Variants in GPR158 observed in about 807,000 individuals in gnomAD.
GPR158 encodes the protein G protein-coupled receptor 158, also known as metabotropic glycine receptor.
Under a neutral mutation model 78.2 loss-of-function variants are expected in GPR158, and 30 were observed. The observed-to-expected ratio is 0.38, with a 90% CI of 0.29 to 0.52. The LOEUF is 0.52. Ranked by LOEUF, GPR158 falls within the 20% of genes least tolerant of loss-of-function variation. The pLI, the probability that GPR158 is intolerant of heterozygous loss-of-function variation, is 0.83. For missense variants in GPR158, 1,463 were observed against 1,523.5 expected (o/e 0.96, Z 0.66); for synonymous variants, 581 against 591.1 (o/e 0.98, Z 0.25).
In GPR158 at chr10:25,221,205, T is replaced by C. The variant is rs751383850; in HGVS notation, c.1008+48T>C. 4 of 938,062 alleles carry C rather than the reference T, an allele frequency of 4.3e-6. No homozygotes were observed. In the African/African-American group the frequency reaches 6.6e-5, roughly 15 times the overall value. 58.1% of individuals were successfully genotyped at this position (938,062 alleles called of 1,614,324 possible). On this transcript the variant is annotated intron_variant, in intron 2 of 10. Transcript: ENST00000376351. ...CTCTTTAAGCTCAGGAATACATTAT[T>C]TTGAATATGTTATATTTGTGTGGGT... is the stretch of plus-strand genomic sequence containing the variant.
At chr10:25,569,042 T>C (rs1224171187) in intron 6 of GPR158, among the ~76,000 whole-genome samples, 2 of 152,228 alleles carry the variant, frequency 1.3e-5, no homozygotes, top group Non-Finnish European at 2.9e-5. Context: ...TCTTATTCCA[T>C]TTTACAAAAA....
At chr10:25,319,104 C>A (rs1854906578) in intron 2 of GPR158, among the ~76,000 whole-genome samples, 1 of 152,138 alleles carries the variant, frequency 6.6e-6, no homozygotes, top group South Asian at 2.1e-4. Flanking sequence ...GTATATAGTT[C>A]TCTTTGTGCA....
chr10:25,489,315 GTATTTCTTATATATATTC>G (rs964348778), intron 5 of GPR158, among the ~76,000 whole-genome samples: 4 of 152,066 alleles, frequency 2.6e-5, no homozygotes, highest in Non-Finnish European at 1.5e-5. Context: ...TTGGCAAGTG[GTATTTCTTATATATATTC>G]AGTTTTTACC....
intron 5 of GPR158, among the ~76,000 whole-genome samples, chr10:25,473,002 G>C (rs1835530356): frequency 6.6e-6 from 1 of 152,084 alleles, no homozygotes; most frequent in Non-Finnish European, 1.5e-5. Context: ...TTGAATAGGA[G>C]TGGTGAGAGA....
intron 5 of GPR158, among the ~76,000 whole-genome samples, chr10:25,478,007 T>C (rs1835612606): frequency 6.6e-6 from 1 of 152,280 alleles, no homozygotes; most frequent in South Asian, 2.1e-4. Context: ...GCTTGTCTCC[T>C]CTTCTGTACT....
At chr10:25,199,701 T>C (rs896625708) in intron 1 of GPR158, among the ~76,000 whole-genome samples, 4 of 152,068 alleles carry the variant, frequency 2.6e-5, no homozygotes, top group African/African-American at 9.7e-5. Flanking sequence ...CTTGCCCCCA[T>C]GGAAGACCTG....
intron 4 of GPR158, among the ~76,000 whole-genome samples, chr10:25,427,190 C>G (rs1375008061): frequency 6.6e-6 from 1 of 152,016 alleles, no homozygotes. Context: ...TATCAATTAA[C>G]GATATAGCAG....
At chr10:25,570,780 GGTGGCA>G (rs1391046404) in intron 6 of GPR158, among the ~76,000 whole-genome samples, 1 of 152,116 alleles carries the variant, frequency 6.6e-6, no homozygotes, top group Non-Finnish European at 1.5e-5. Context: ...AGCCAGGCAT[GGTGGCA>G]CATGCCTGTA....
At chr10:25,491,127 G>A (rs75171157) in intron 5 of GPR158, among the ~76,000 whole-genome samples, 1,867 of 152,198 alleles carry the variant, frequency 0.012, 34 homozygotes, top group African/African-American at 0.039. Context: ...CATATATGGC[G>A]TGTATGTGTG....
intron 2 of GPR158, among the ~76,000 whole-genome samples, chr10:25,261,731 G>T (rs1467604540): frequency 3.3e-5 from 5 of 152,060 alleles, no homozygotes; most frequent in African/African-American, 1.2e-4. Flanking sequence ...TGTTTTATTT[G>T]TAAAATGATC....
At chr10:25,484,733 G>A (rs983406002) in intron 5 of GPR158, among the ~76,000 whole-genome samples, 2 of 152,068 alleles carry the variant, frequency 1.3e-5, no homozygotes, top group African/African-American at 4.8e-5. Flanking sequence ...TTGCTCATGG[G>A]CAAAACATGG....
At chr10:25,507,936 G>A (rs1836034863) in intron 5 of GPR158, among the ~76,000 whole-genome samples, 1 of 152,108 alleles carries the variant, frequency 6.6e-6, no homozygotes, top group Non-Finnish European at 1.5e-5. Flanking sequence ...AATTTCTGAT[G>A]TGCAGGTTTT....
intron 2 of GPR158, among the ~76,000 whole-genome samples, chr10:25,311,813 T>A (rs1425908709): frequency 6.9e-6 from 1 of 145,080 alleles, no homozygotes; most frequent in Non-Finnish European, 1.5e-5. Context: ...GGTAATCCAT[T>A]TTTTACAGTT....
intron 5 of GPR158, among the ~76,000 whole-genome samples, chr10:25,474,627 C>T (rs1835555789): frequency 6.6e-6 from 1 of 152,152 alleles, no homozygotes; most frequent in African/African-American, 2.4e-5. Context: ...TTGATAATGT[C>T]ATTCTCTTGC....
At chr10:25,387,179 A>G (rs1834233584) in intron 2 of GPR158, among the ~76,000 whole-genome samples, 1 of 152,176 alleles carries the variant, frequency 6.6e-6, no homozygotes, top group South Asian at 2.1e-4. Flanking sequence ...TGTTTTTATC[A>G]TAAAAGGGTG....
intron 2 of GPR158, among the ~76,000 whole-genome samples, chr10:25,321,830 C>T (rs997440132): frequency 1.3e-5 from 2 of 151,954 alleles, no homozygotes; most frequent in Non-Finnish European, 2.9e-5. Context: ...GAGGATATAA[C>T]TTATGTGTAT....
intron 1 of GPR158, among the ~76,000 whole-genome samples, chr10:25,195,469 G>A (rs921094727): frequency 6.6e-6 from 1 of 152,156 alleles, no homozygotes; most frequent in African/African-American, 2.4e-5. Flanking sequence ...GCTTCCCAAA[G>A]TGCTGGGATT....
At chr10:25,279,163 A>G (rs1056925344) in intron 2 of GPR158, among the ~76,000 whole-genome samples, 2 of 152,154 alleles carry the variant, frequency 1.3e-5, no homozygotes, top group African/African-American at 4.8e-5. Context: ...TGCTGCTGCT[A>G]CTGCTGATGC....
intron 2 of GPR158, among the ~76,000 whole-genome samples, chr10:25,345,414 T>G (rs533118903): frequency 1.3e-5 from 2 of 152,118 alleles, no homozygotes; most frequent in South Asian, 2.1e-4. Flanking sequence ...ATGGGGATTC[T>G]AAACCTAAGT....
Sources: gnomAD v4.1 joint callset for allele counts (sites outside exome capture counted in the v4.1 genomes callset) on GRCh38, gnomAD v4.1.1 for gene constraint, MANE v1.5 for transcripts, NCBI Gene and HGNC (gene_info 2026-07-23, HGNC 2026-07-21) for gene names.